The following ABHD17B variants were observed in gnomAD, a reference collection of about 807,000 sequenced individuals.
ABHD17B encodes abhydrolase domain containing 17B, depalmitoylase.
In ABHD17B, 9 loss-of-function variants were observed where a neutral mutation model predicts 26.2. The ratio of observed to expected loss-of-function variants is 0.34; its 90% CI spans 0.21 to 0.60. The LOEUF is 0.60. Ranked by LOEUF, ABHD17B falls within the 20% of genes least tolerant of loss-of-function variation. The pLI, the probability that ABHD17B is intolerant of heterozygous loss-of-function variation, is 0.80. For synonymous variants in ABHD17B, 127 were observed against 122.3 expected (o/e 1.04, Z -0.25); for missense variants, 224 against 352.1 (o/e 0.64, Z 2.91).
intron 2 of ABHD17B, among the ~76,000 whole-genome samples, chr9:71,872,091 T>G (rs1826131393): frequency 6.6e-6 from 1 of 152,208 alleles, no homozygotes. Context: ...TACACACATT[T>G]CATTAGATGA....
Position 71,907,466 on chromosome 9 carries a change from G to C in ABHD17B, c.-4+3168C>G, listed in dbSNP as rs543775783. ...CTGGTTAGATATCGGGGGGAAAAGG[G>C]AACAGCATTTAAGAGAGGTATTAAC... On this transcript the variant is annotated intron_variant, in intron 1 of 3. Transcript: ENST00000333421. Among the ~76,000 whole-genome samples, 50 of 152,226 alleles carry C rather than the reference G, an allele frequency of 3.3e-4. No homozygotes were observed. In the South Asian group the frequency reaches 0.01, roughly 31 times the overall value.
At chr9:71,864,830 T>C (rs983209263), downstream of ABHD17B, among the ~76,000 whole-genome samples, 5 of 152,178 alleles carry the variant, frequency 3.3e-5, no homozygotes, top group Non-Finnish European at 7.4e-5. Flanking sequence ...ACACAGTCTG[T>C]CTTTACCTAG....
intron 1 of ABHD17B, among the ~76,000 whole-genome samples, chr9:71,906,733 C>T (rs139192052): frequency 6.6e-6 from 1 of 151,982 alleles, no homozygotes; most frequent in African/African-American, 2.4e-5. Context: ...TGGGAGGATC[C>T]CTTGAGCCCA....
At chr9:71,875,203 G>T (rs1367462627) in intron 1 of ABHD17B, 120 bp from the exon 2 acceptor site, 4 of 783,634 alleles carry the variant, frequency 5.1e-6, no homozygotes, top group Non-Finnish European at 7.9e-6. Flanking sequence ...ACTATTTTAG[G>T]TATGATTCCA....
chr9:71,908,392 CAAAA>C (rs371201006), intron 1 of ABHD17B, among the ~76,000 whole-genome samples: 2 of 39,804 alleles, frequency 5.0e-5, no homozygotes, highest in African/African-American at 8.8e-5. Flanking sequence ...AACTCCGTCT[CAAAA>C]AAAAAAAAAA....
chr9:71,893,525 G>C (rs1359238380), intron 1 of ABHD17B, among the ~76,000 whole-genome samples: 1 of 152,214 alleles, frequency 6.6e-6, no homozygotes, highest in East Asian at 1.9e-4. Flanking sequence ...CATGTAGGAA[G>C]GGGATGCCAC....
Position 71,900,902 on chromosome 9 carries a change from CACTTTG to C in ABHD17B, c.-4+9726_-4+9731del, listed in dbSNP as rs533522725. 3.0e-3 allele frequency among the ~76,000 whole-genome samples: 449 copies of C among 152,196 alleles called. 4 individuals are homozygous for C. The highest frequency in any genetic ancestry group is 0.011 in the African/African-American group (437 of 41,528). ...CAGTGGCTCACGCCTGTAATCCCAG[CACTTTG>C]GGAGGCCGAGGTGGGTGGATCACAA... On this transcript the variant is annotated intron_variant, in intron 1 of 3. Transcript: ENST00000333421.
intron 1 of ABHD17B, among the ~76,000 whole-genome samples, chr9:71,891,669 T>G (rs985450756): frequency 2.6e-5 from 4 of 152,216 alleles, no homozygotes; most frequent in African/African-American, 9.6e-5. Context: ...TTGGAACTCC[T>G]GTAACTGCTA....
At position 71,870,062 on chromosome 9, in the gene ABHD17B, AT is replaced by A. The variant is rs1404785665; in HGVS notation, c.647+20del. 6.3e-7 allele frequency: 1 copy of A among 1,585,920 alleles called. No individual in the cohort carries two copies. The highest frequency in any genetic ancestry group is 8.6e-7 in the Non-Finnish European group (1 of 1,168,542). On this transcript the variant is annotated intron_variant, in intron 3 of 3. Coordinates refer to ENST00000333421, the MANE Select transcript of ABHD17B (RefSeq NM_001025780.3). ...TTCCCAAGTTTCTTGGAATTTAACT[AT>A]TTTGAATATTGCTACTTACTTTGGG...
intron 1 of ABHD17B, among the ~76,000 whole-genome samples, chr9:71,895,545 G>A (rs1370615997): frequency 6.6e-6 from 1 of 152,180 alleles, no homozygotes; most frequent in Non-Finnish European, 1.5e-5. Context: ...ACCCAGTATA[G>A]ATTTTTAAAG....
chr9:71,907,927 A>T (rs894401331), intron 1 of ABHD17B, among the ~76,000 whole-genome samples: 7 of 152,182 alleles, frequency 4.6e-5, no homozygotes, highest in African/African-American at 1.7e-4. Context: ...TTCTCACTTC[A>T]CTTGGACAAA....
chr9:71,901,142 A>G (rs758689582), intron 1 of ABHD17B, among the ~76,000 whole-genome samples: 4 of 151,426 alleles, frequency 2.6e-5, no homozygotes, highest in Non-Finnish European at 5.9e-5. Flanking sequence ...ACAGAGCGAG[A>G]CTCTGTCTCA....
chr9:71,867,218 T>C (rs1825983436), intron 3 of ABHD17B, among the ~76,000 whole-genome samples: 1 of 152,194 alleles, frequency 6.6e-6, no homozygotes, highest in South Asian at 2.1e-4. Context: ...TTTCATGCAC[T>C]TGTTTTGATG....
At chr9:71,902,117 C>A (rs1238034794) in intron 1 of ABHD17B, among the ~76,000 whole-genome samples, 1 of 152,094 alleles carries the variant, frequency 6.6e-6, no homozygotes, top group East Asian at 1.9e-4. Context: ...ACTCATCACT[C>A]CCCCTTCAAA....
In ABHD17B at chr9:71,865,315, T is replaced by C. The variant is rs1028692581; in HGVS notation, c.*1472A>G. The C allele has an allele frequency of 3.0e-6, 3 of 985,230 alleles. No individual in the cohort carries two copies. The African/African-American group carries it at 5.2e-5, about 17-fold the overall frequency. The allele number at this position is 985,230 out of a possible 1,614,324, so 61.0% of individuals were successfully genotyped here. A position where few individuals can be genotyped will look rare whatever the true frequency, so the allele number is the denominator to read the frequency against. On this transcript the variant is annotated 3_prime_UTR_variant, in exon 4 of 4. Transcript: ENST00000333421. ...ATAAGGCCTTAAAATATATCCACAGTGTGTATTATTTCCATATTCATTCAT... is the reference window on the plus strand; with the variant it reads ...ATAAGGCCTTAAAATATATCCACAGCGTGTATTATTTCCATATTCATTCAT...
intron 1 of ABHD17B, among the ~76,000 whole-genome samples, chr9:71,877,389 T>A (rs1351401117): frequency 6.6e-6 from 1 of 152,186 alleles, no homozygotes; most frequent in Non-Finnish European, 1.5e-5. Flanking sequence ...TAGACTATAG[T>A]CCTATAATTT....
chr9:71,877,376 A>G (rs1302717896), intron 1 of ABHD17B, among the ~76,000 whole-genome samples: 2 of 152,244 alleles, frequency 1.3e-5, no homozygotes, highest in Non-Finnish European at 2.9e-5. Context: ...AATGGTACGT[A>G]TCTAGACTAT....
chr9:71,904,966 G>A (rs1827242464), intron 1 of ABHD17B, among the ~76,000 whole-genome samples: 1 of 152,080 alleles, frequency 6.6e-6, no homozygotes, highest in Admixed American at 6.5e-5. Context: ...ATCTAAATGT[G>A]AACTCTTAAA....
intron 1 of ABHD17B, among the ~76,000 whole-genome samples, chr9:71,904,797 G>C (rs149008095): frequency 9.9e-4 from 150 of 152,152 alleles, no homozygotes; most frequent in African/African-American, 3.4e-3. Flanking sequence ...TTGACACAAA[G>C]GGATATTAAG....
Sources: gnomAD v4.1 joint callset for allele counts (sites outside exome capture counted in the v4.1 genomes callset) on GRCh38, gnomAD v4.1.1 for gene constraint, MANE v1.5 for transcripts, NCBI Gene and HGNC (gene_info 2026-07-23, HGNC 2026-07-21) for gene names.